Variants in NUP58 observed in about 807,000 individuals in gnomAD.
NUP58 encodes nucleoporin 58.
Under a neutral mutation model 70.1 loss-of-function variants are expected in NUP58, and 17 were observed. The observed-to-expected ratio is 0.24, with a 90% CI of 0.17 to 0.36. The LOEUF (loss-of-function observed/expected upper bound fraction) is 0.36. Among genes scored for constraint, NUP58 ranks in the 10% least tolerant of loss-of-function variants. The pLI, the probability that NUP58 is intolerant of heterozygous loss-of-function variation, is 1.00. For synonymous variants in NUP58, 275 were observed against 257.6 expected, an observed-to-expected ratio of 1.07 and a Z score of -0.65; for missense variants, 644 against 701.5, an observed-to-expected ratio of 0.92 and a Z score of 0.93.
At position 25,313,595 on chromosome 13, in the gene NUP58, ACTAT is replaced by A; in HGVS notation, c.437-16_437-13del. On this transcript the variant is annotated splice_polypyrimidine_tract_variant and intron_variant, in intron 4 of 15. Transcript: ENST00000381736. ...TAAATAAGTTGCCTTTTGAAAGCTT[ACTAT>A]CTCTCTTTTTATAGCATCCACAGGA... 1 of 1,470,724 alleles carries A rather than the reference ACTAT, an allele frequency of 6.8e-7. No individual in the cohort carries two copies. 91.1% of individuals were successfully genotyped at this position (1,470,724 alleles called of 1,614,324 possible).
downstream of NUP58, among the ~76,000 whole-genome samples, chr13:25,343,309 TTTTA>T (rs1345189570): frequency 2.6e-4 from 40 of 151,538 alleles, 1 homozygote; most frequent in Admixed American, 5.2e-4. Flanking sequence ...TTTTTTAAAT[TTTTA>T]TTTATTTATT....
intron 6 of NUP58, 92 bp downstream of exon 6, chr13:25,315,559 TTA>T: frequency 2.4e-6 from 2 of 821,736 alleles, no homozygotes; most frequent in Non-Finnish European, 4.1e-6. Flanking sequence ...AGATTAGCAG[TTA>T]TATATTTAGT....
intron 3 of NUP58, 166 bp downstream of exon 3, chr13:25,309,448 T>G (rs2030544800): frequency 9.5e-6 from 5 of 525,880 alleles, no homozygotes; most frequent in Non-Finnish European, 1.3e-5. Context: ...AGTATTTGAG[T>G]AGTGAAAAAA....
chr13:25,336,199 C>CT, intron 13 of NUP58: 8 of 1,366,350 alleles, frequency 5.9e-6, no homozygotes, highest in Non-Finnish European at 6.9e-6. Flanking sequence ...ATGTTCATTA[C>CT]TTTATTTAAT....
rs1433956354 is a variant in NUP58 at position 25,341,599 on chromosome 13, G to A, written c.*1465G>A. ...AATTCTCCCATTATAACAGTGAACA[G>A]AGCTCCAGGTAATAACGCATAGGCA... On this transcript the variant is annotated 3_prime_UTR_variant, in exon 16 of 16. Coordinates refer to ENST00000381736, the MANE Select transcript of NUP58 (RefSeq NM_014089.4). The A allele has an allele frequency of 6.6e-6, 1 of 152,568 alleles. No individual in the cohort carries two copies. The highest frequency in any genetic ancestry group is 1.5e-5 in the Non-Finnish European group (1 of 68,020). The allele number at this position is 152,568 out of a possible 1,614,324, so 9.5% of individuals were successfully genotyped here. A position where few individuals can be genotyped will look rare whatever the true frequency, so the allele number is the denominator to read the frequency against.
At chr13:25,334,708 G>C (rs2031722918) in intron 13 of NUP58, 1 of 979,194 alleles carries the variant, frequency 1.0e-6, no homozygotes, top group Non-Finnish European at 1.2e-6. Flanking sequence ...AATATTTTTA[G>C]CACTTTAGTC....
intron 13 of NUP58, chr13:25,336,179 G>A: frequency 7.3e-7 from 1 of 1,364,060 alleles, no homozygotes; most frequent in Non-Finnish European, 9.8e-7. Flanking sequence ...ACACAGCGGT[G>A]CCTTTGTAAA....
In NUP58 at chr13:25,313,747, A is replaced by G. The variant is rs777598904; in HGVS notation, c.570A>G (p.Thr190=). The stretch of plus-strand genomic sequence containing the variant: ...TTTTCCAGAGTACAAACACAGGAAC[A>G]TCAGGTAATTGATGGTATTTATTCT... ...GSLFQSTNTG[T]SGLGQNALGL... Residue 190 remains threonine (T), a synonymous_variant, in exon 5 of 16, where the codon ACA becomes ACG. Coordinates refer to ENST00000381736, the MANE Select transcript of NUP58 (RefSeq NM_014089.4). 1 of 1,522,880 alleles carries G rather than the reference A, an allele frequency of 6.6e-7. No individual in the cohort carries two copies. The highest frequency in any genetic ancestry group is 8.7e-7 in the Non-Finnish European group (1 of 1,148,598). 94.3% of individuals were successfully genotyped at this position (1,522,880 alleles called of 1,614,324 possible).
At chr13:25,307,211 A>AT (rs72132780) in intron 1 of NUP58, among the ~76,000 whole-genome samples, 5,890 of 98,442 alleles carry the variant, frequency 0.06, 740 homozygotes, top group African/African-American at 0.21. Flanking sequence ...CTGGTATTGT[A>AT]TTTTTTTTTT....
chr13:25,321,161 GTGTTT>G lies in NUP58; in HGVS notation c.951+79_951+83del, dbSNP rs570356813. On this transcript the variant is annotated intron_variant, in intron 9 of 15. Transcript: ENST00000381736. ...TTGTTTTTTCCAAAATGGAAATAAG[GTGTTT>G]TGTTTTGTTTGTTTTTAATTATGAA... 1.9e-3 allele frequency: 2,578 copies of G among 1,372,922 alleles called. 6 individuals are homozygous for G. Among genetic ancestry groups the G allele is most frequent in the Admixed American group, 2.8e-3 (114 of 40,578 alleles). 85.0% of individuals were successfully genotyped at this position (1,372,922 alleles called of 1,614,324 possible).
At chr13:25,337,192 T>C (rs1042550307) in intron 14 of NUP58, among the ~76,000 whole-genome samples, 158 bp downstream of exon 14, 1 of 152,314 alleles carries the variant, frequency 6.6e-6, no homozygotes, top group Middle Eastern at 3.4e-3. Context: ...CTTTCTAATA[T>C]TAGATTTAGA....
intron 1 of NUP58, among the ~76,000 whole-genome samples, chr13:25,303,317 C>T (rs1177042553): frequency 6.6e-6 from 1 of 152,160 alleles, no homozygotes; most frequent in African/African-American, 2.4e-5. Context: ...TTGAGCCCAT[C>T]TTTTTATTTT....
chr13:25,338,843 T>G, intron 15 of NUP58, 112 bp downstream of exon 15: 2 of 780,022 alleles, frequency 2.6e-6, no homozygotes, highest in South Asian at 1.7e-5. Flanking sequence ...CTGATTCAGT[T>G]TTTACTCCCT....
chr13:25,310,839 G>A lies in NUP58; in HGVS notation c.286+1557G>A, dbSNP rs556907432. ...CATTTCTTTATTTAATATTGTTTGA[G>A]CAGTTACTACTTCCTAACCATGCAG... On this transcript the variant is annotated intron_variant, in intron 3 of 15. Coordinates refer to ENST00000381736, the MANE Select transcript of NUP58 (RefSeq NM_014089.4). Among the ~76,000 whole-genome samples, 13 of 152,256 alleles carry A rather than the reference G, an allele frequency of 8.5e-5. 1 individual carries two copies. The East Asian group carries it at 2.5e-3, about 29-fold the overall frequency.
chr13:25,307,211 A>ATTTTTTTTTTTTTT (rs72132780), intron 1 of NUP58, among the ~76,000 whole-genome samples: 1 of 98,606 alleles, frequency 1.0e-5, no homozygotes, highest in African/African-American at 3.8e-5. Context: ...CTGGTATTGT[A>ATTTTTTTTTTTTTT]TTTTTTTTTT....
chr13:25,336,171 A>C (rs368749741), intron 13 of NUP58: 1 of 1,361,608 alleles, frequency 7.3e-7, no homozygotes, highest in Non-Finnish European at 9.8e-7. Flanking sequence ...GTCAAGGTAC[A>C]CAGCGGTGCC....
rs534155496 is a variant in NUP58, at chr13:25,340,569, C to T, written c.*435C>T. 6.5e-6 allele frequency: 1 copy of T among 153,196 alleles called. No homozygotes were observed. Among genetic ancestry groups the T allele is most frequent in the Non-Finnish European group, 1.5e-5 (1 of 68,752 alleles). 9.5% of individuals were successfully genotyped at this position (153,196 alleles called of 1,614,324 possible). A position where few individuals can be genotyped will look rare whatever the true frequency, so the allele number is the denominator to read the frequency against. ...CCTTTTGAATTATACTGCAGGGCAT[C>T]TTGTGAATATGTATGTAAATATATA... is the stretch of plus-strand genomic sequence containing the variant. On this transcript the variant is annotated 3_prime_UTR_variant, in exon 16 of 16. Coordinates refer to ENST00000381736, the MANE Select transcript of NUP58 (RefSeq NM_014089.4).
chr13:25,330,523 T>C (rs547770431), intron 12 of NUP58, among the ~76,000 whole-genome samples: 1 of 152,220 alleles, frequency 6.6e-6, no homozygotes, highest in Non-Finnish European at 1.5e-5. Context: ...GTAAGAAATA[T>C]GAAAAATCTG....
intron 13 of NUP58, chr13:25,335,342 G>C: frequency 1.0e-6 from 1 of 985,322 alleles, no homozygotes; most frequent in East Asian, 1.1e-4. Flanking sequence ...GACTTACAAG[G>C]CTGAGGGCTG....
Sources: allele counts gnomAD v4.1 joint callset (sites outside exome capture counted in the v4.1 genomes callset), GRCh38; gene constraint gnomAD v4.1.1; transcripts MANE v1.5; gene names NCBI Gene and HGNC (gene_info 2026-07-23, HGNC 2026-07-21).